SLC25A21: variants seen among roughly 807,000 people sequenced by gnomAD.
SLC25A21 encodes the protein mitochondrial 2-oxodicarboxylate carrier.
A neutral mutation model predicts 43.8 loss-of-function variants in SLC25A21; 47 were observed. That is an observed-to-expected ratio of 1.07 (90% CI 0.85 to 1.37). SLC25A21 has a LOEUF of 1.37. Among genes scored for constraint, SLC25A21 ranks in the 40% most tolerant of loss-of-function variants. The pLI is 0.00. For synonymous variants in SLC25A21, 131 were observed against 121.3 expected (o/e 1.08, Z -0.52); for missense variants, 352 against 350.2 (o/e 1.00, Z -0.04).
chr14:36,938,666 CGTT>C (rs890919193), intron 1 of SLC25A21, among the ~76,000 whole-genome samples: 8 of 151,728 alleles, frequency 5.3e-5, no homozygotes, highest in African/African-American at 1.9e-4. Flanking sequence ...GTTCACATCT[CGTT>C]GTTTTATTCA....
rs780961992 is a variant in SLC25A21, at chr14:37,128,536, C to CTGTGTG, written c.70+43744_70+43745insCACACA. Among the ~76,000 whole-genome samples the CTGTGTG allele has an allele frequency of 7.2e-3, 624 of 86,948 alleles. 5 individuals are homozygous for CTGTGTG. The highest frequency in any genetic ancestry group is 0.039 in the East Asian group (129 of 3,346). The allele number at this position is 86,948 out of a possible 152,430, so 57.0% of individuals were successfully genotyped here. ...TTACTTTCTGTCTCTCTCTCTCTCT[C>CTGTGTG]TCTGTGTGTGTGTGTGTGTGTGTGT... On this transcript the variant is annotated intron_variant, in intron 1 of 9. Transcript: ENST00000331299.
At chr14:36,919,622 CCTATCTATCTATCTAT>C (rs3061765) in intron 1 of SLC25A21, among the ~76,000 whole-genome samples, 9 of 61,452 alleles carry the variant, frequency 1.5e-4, no homozygotes, top group Admixed American at 6.6e-4. Context: ...TATCTATCTA[CCTATCTATCTATCTAT>C]CTATCTATCT....
At chr14:36,683,436 G>C (rs559669420) in intron 9 of SLC25A21, among the ~76,000 whole-genome samples, 1 of 152,266 alleles carries the variant, frequency 6.6e-6, no homozygotes, top group South Asian at 2.1e-4. Flanking sequence ...TGAAGTTGAG[G>C]CAGGAGCAAG....
intron 1 of SLC25A21, among the ~76,000 whole-genome samples, chr14:37,111,043 T>A (rs1963010717): frequency 6.6e-6 from 1 of 152,176 alleles, no homozygotes; most frequent in Non-Finnish European, 1.5e-5. Flanking sequence ...TGAGAAGACA[T>A]GAATTCTGCT....
At chr14:36,840,795 T>C (rs1200136385) in intron 2 of SLC25A21, among the ~76,000 whole-genome samples, 6 of 152,184 alleles carry the variant, frequency 3.9e-5, no homozygotes, top group African/African-American at 9.6e-5. Flanking sequence ...ATAGCTCTGA[T>C]ATCCGACGAG....
intron 2 of SLC25A21, among the ~76,000 whole-genome samples, chr14:36,838,562 G>C (rs189736316): frequency 1.6e-4 from 25 of 152,272 alleles, no homozygotes; most frequent in Non-Finnish European, 3.4e-4. Context: ...ATATGCCTGG[G>C]GTATGCAGAA....
intron 2 of SLC25A21, among the ~76,000 whole-genome samples, chr14:36,824,717 T>G (rs1888759336): frequency 1.3e-5 from 2 of 151,744 alleles, no homozygotes; most frequent in South Asian, 2.1e-4. Flanking sequence ...GTAAAAGTGC[T>G]TCTCTGAACT....
At chr14:37,035,971 T>G (rs1961317889) in intron 1 of SLC25A21, among the ~76,000 whole-genome samples, 1 of 152,244 alleles carries the variant, frequency 6.6e-6, no homozygotes, top group African/African-American at 2.4e-5. Context: ...TATACCCAGA[T>G]GTACGGGAAG....
rs1882644706 is a variant in SLC25A21 at position 36,688,408 on chromosome 14, T to TGTCAC, written c.604-3488_604-3484dup. 2.0e-5 allele frequency among the ~76,000 whole-genome samples: 3 copies of TGTCAC among 152,358 alleles called. No homozygotes were observed. The South Asian group carries it at 6.2e-4, about 32-fold the overall frequency. On this transcript the variant is annotated intron_variant, in intron 7 of 9. Coordinates refer to ENST00000331299, the MANE Select transcript of SLC25A21 (RefSeq NM_030631.4). Reference sequence around the variant, plus strand: ...TAGGAGCATGTGTTACTCCTCTTTGTGTCACCTGTTTTGCAGAGTACACTG... The same window carrying TGTCAC: ...TAGGAGCATGTGTTACTCCTCTTTGTGTCACGTCACCTGTTTTGCAGAGTACACTG...
In SLC25A21 at chr14:37,057,869, T is replaced by C. The variant is rs1961864466; in HGVS notation, c.70+114412A>G. Among the ~76,000 whole-genome samples the C allele has an allele frequency of 2.0e-5, 3 of 152,202 alleles. No homozygotes were observed. In the South Asian group the frequency reaches 6.2e-4, roughly 31 times the overall value. Reference sequence around the variant, plus strand: ...ACACTAACATCTTAATAAATTAATATCTAGAACACAAATACTGACATGGAT... The same window carrying C: ...ACACTAACATCTTAATAAATTAATACCTAGAACACAAATACTGACATGGAT... On this transcript the variant is annotated intron_variant, in intron 1 of 9. Transcript: ENST00000331299.
chr14:36,913,459 A>G (rs1891744800), intron 1 of SLC25A21, among the ~76,000 whole-genome samples: 1 of 152,126 alleles, frequency 6.6e-6, no homozygotes, highest in Non-Finnish European at 1.5e-5. Flanking sequence ...ACTTTTTTGT[A>G]AAGACAGGGT....
At chr14:36,712,385 C>T (rs1292632936) in intron 6 of SLC25A21, among the ~76,000 whole-genome samples, 2 of 151,310 alleles carry the variant, frequency 1.3e-5, no homozygotes, top group East Asian at 3.9e-4. Flanking sequence ...CACACACTGA[C>T]ATGACATTTG....
At chr14:37,040,177 G>C (rs1363879408) in intron 1 of SLC25A21, among the ~76,000 whole-genome samples, 3 of 141,820 alleles carry the variant, frequency 2.1e-5, no homozygotes, top group Admixed American at 7.4e-5. Context: ...TCCAGCCTGG[G>C]CAACAGAGTG....
At chr14:37,147,844 C>CTTTTTTTTTTTTTTTTTTTTT (rs61239254) in intron 1 of SLC25A21, among the ~76,000 whole-genome samples, 1 of 126,252 alleles carries the variant, frequency 7.9e-6, no homozygotes, top group African/African-American at 2.9e-5. Flanking sequence ...TTTTTCTTTT[C>CTTTTTTTTTTTTTTTTTTTTT]TTTTTTTTTT....
chr14:36,878,966 C>G (rs1426062996), intron 1 of SLC25A21, among the ~76,000 whole-genome samples: 1 of 152,166 alleles, frequency 6.6e-6, no homozygotes, highest in African/African-American at 2.4e-5. Flanking sequence ...AAAGTTACAA[C>G]TTCATAGTAT....
chr14:37,025,078 G>A (rs1192223392), intron 1 of SLC25A21, among the ~76,000 whole-genome samples: 2 of 152,084 alleles, frequency 1.3e-5, no homozygotes, highest in East Asian at 1.9e-4. Flanking sequence ...AATAGTGACA[G>A]GCAAGCAAAA....
chr14:36,887,882 C>G (rs1299877983), intron 1 of SLC25A21, among the ~76,000 whole-genome samples: 3 of 152,158 alleles, frequency 2.0e-5, no homozygotes, highest in African/African-American at 7.2e-5. Flanking sequence ...AAAAGAAGCT[C>G]TCAGTTTGAC....
At chr14:37,071,703 C>T (rs538961329) in intron 1 of SLC25A21, among the ~76,000 whole-genome samples, 1 of 152,156 alleles carries the variant, frequency 6.6e-6, no homozygotes, top group African/African-American at 2.4e-5. Context: ...ACTAGAAAAA[C>T]ACCTGAATTG....
chr14:36,681,426 C>T (rs1374801600), intron 9 of SLC25A21, among the ~76,000 whole-genome samples: 5 of 152,144 alleles, frequency 3.3e-5, no homozygotes, highest in African/African-American at 1.2e-4. Flanking sequence ...ATTATGTCAA[C>T]AGGAATGTGA....
Sources: gnomAD v4.1 joint callset for allele counts (sites outside exome capture counted in the v4.1 genomes callset) on GRCh38, gnomAD v4.1.1 for gene constraint, MANE v1.5 for transcripts, NCBI Gene and HGNC (gene_info 2026-07-23, HGNC 2026-07-21) for gene names.